Variants in RBFOX1 observed in about 807,000 individuals in gnomAD.
RBFOX1 encodes RNA binding fox-1 homolog 1.
Under a neutral mutation model 57.7 loss-of-function variants are expected in RBFOX1, and 8 were observed. The observed-to-expected ratio is 0.14, with a 90% CI of 0.08 to 0.25. The LOEUF (loss-of-function observed/expected upper bound fraction) is 0.25, where lower values mean the gene tolerates loss of function less well. Ranked by LOEUF, RBFOX1 falls within the 10% of genes least tolerant of loss-of-function variation. The pLI is 1.00. For synonymous variants in RBFOX1, 326 were observed against 222.4 expected, an observed-to-expected ratio of 1.47 and a Z score of -4.15; for missense variants, 611 against 548.5, an observed-to-expected ratio of 1.11 and a Z score of -1.14.
intron 5 of RBFOX1, among the ~76,000 whole-genome samples, chr16:7,553,693 C>G (rs867742748): frequency 6.6e-6 from 1 of 152,142 alleles, no homozygotes; most frequent in Non-Finnish European, 1.5e-5. Flanking sequence ...GTGTCCTAAC[C>G]CCCAGCTACA....
intron 2 of RBFOX1, among the ~76,000 whole-genome samples, chr16:6,419,261 C>T (rs1302667414): frequency 6.6e-6 from 1 of 152,122 alleles, no homozygotes; most frequent in African/African-American, 2.4e-5. Context: ...CAGGTATATG[C>T]TGTGGTATCG....
At chr16:7,097,350 C>T (rs1462927453) in intron 4 of RBFOX1, among the ~76,000 whole-genome samples, 1 of 151,972 alleles carries the variant, frequency 6.6e-6, no homozygotes, top group Non-Finnish European at 1.5e-5. Flanking sequence ...CTGAGACAGG[C>T]AGGAATCAGA....
intron 2 of RBFOX1, among the ~76,000 whole-genome samples, chr16:6,559,582 A>G (rs1417096544): frequency 6.6e-6 from 1 of 152,116 alleles, no homozygotes; most frequent in African/African-American, 2.4e-5. Flanking sequence ...GACATTGGAA[A>G]ATAGGACGTG....
intron 4 of RBFOX1, among the ~76,000 whole-genome samples, chr16:7,250,348 A>G (rs766239211): frequency 6.6e-6 from 1 of 152,192 alleles, no homozygotes; most frequent in African/African-American, 2.4e-5. Context: ...ACTGGTGACC[A>G]TGGATGCTGA....
At chr16:7,032,581 CTGTTTGTTTGTTTGTT>C (rs35455847) in intron 3 of RBFOX1, among the ~76,000 whole-genome samples, 10 of 151,338 alleles carry the variant, frequency 6.6e-5, no homozygotes, top group East Asian at 2.0e-4. Flanking sequence ...ACAGCTATTT[CTGTTTGTTTGTTTGTT>C]TGTTTGTTTG....
At chr16:7,105,982 A>T (rs114315524) in intron 4 of RBFOX1, among the ~76,000 whole-genome samples, 18 of 152,164 alleles carry the variant, frequency 1.2e-4, no homozygotes, top group Admixed American at 3.3e-4. Flanking sequence ...TGACAACTCT[A>T]TGAAACTACT....
intron 3 of RBFOX1, among the ~76,000 whole-genome samples, chr16:6,759,700 C>G (rs893549635): frequency 2.0e-5 from 3 of 152,004 alleles, no homozygotes; most frequent in Non-Finnish European, 2.9e-5. Flanking sequence ...TTAATAATAG[C>G]CTTTAATAGA....
intron 2 of RBFOX1, among the ~76,000 whole-genome samples, chr16:6,346,442 G>A (rs1158122212): frequency 1.3e-5 from 2 of 152,134 alleles, no homozygotes; most frequent in Non-Finnish European, 2.9e-5. Context: ...GCCAATCACG[G>A]CAGCTCAGCT....
At chr16:7,219,832 A>G (rs2092585252) in intron 4 of RBFOX1, among the ~76,000 whole-genome samples, 1 of 152,162 alleles carries the variant, frequency 6.6e-6, no homozygotes, top group African/African-American at 2.4e-5. Flanking sequence ...CCACCAAAGG[A>G]TTTCCCATTG....
intron 2 of RBFOX1, among the ~76,000 whole-genome samples, chr16:6,454,743 T>C (rs184136033): frequency 2.0e-5 from 3 of 152,122 alleles, no homozygotes; most frequent in Non-Finnish European, 2.9e-5. Context: ...CAAAAATGAA[T>C]TGGACTTGAG....
In RBFOX1 at chr16:6,581,586, C is replaced by T. The variant is rs571851665; in HGVS notation, c.-63-73017C>T. Among the ~76,000 whole-genome samples the T allele has an allele frequency of 6.5e-4, 99 of 152,262 alleles. 1 individual carries two copies. Among genetic ancestry groups the T allele is most frequent in the South Asian group, 4.2e-4 (2 of 4,818 alleles). ...CCCTTCCTGGGCAGAAGGCGGATAT[C>T]GATCTCATGTCAGTCATGTTGCCTG... On this transcript the variant is annotated intron_variant, in intron 2 of 15. Transcript: ENST00000550418.
chr16:6,672,605 C>T (rs934231929), intron 3 of RBFOX1, among the ~76,000 whole-genome samples: 3 of 152,070 alleles, frequency 2.0e-5, no homozygotes, highest in African/African-American at 7.2e-5. Context: ...CTTAAACAAG[C>T]ATATAAGACT....
At chr16:6,233,063 G>A (rs62015087) in intron 1 of RBFOX1, among the ~76,000 whole-genome samples, 58,757 of 151,980 alleles carry the variant, frequency 0.39, 12,092 homozygotes, top group Middle Eastern at 0.54. Flanking sequence ...AGATCTAACA[G>A]GGAAATTCTT....
intron 4 of RBFOX1, among the ~76,000 whole-genome samples, chr16:7,253,306 G>C (rs565329255): frequency 2.0e-5 from 3 of 152,144 alleles, no homozygotes; most frequent in Non-Finnish European, 2.9e-5. Context: ...TCAGAAATTC[G>C]TGTTGATGTC....
At chr16:6,009,802 A>ATGTGTGTGTGTC (rs1555469408) in intron 4 of RBFOX1, among the ~76,000 whole-genome samples, 1 of 58,562 alleles carries the variant, frequency 1.7e-5, no homozygotes, top group South Asian at 6.7e-4. Flanking sequence ...CAGTGTGTGT[A>ATGTGTGTGTGTC]TGTGTGTGTG....
chr16:6,128,786 A>G (rs901114023), intron 1 of RBFOX1, among the ~76,000 whole-genome samples: 1 of 152,204 alleles, frequency 6.6e-6, no homozygotes, highest in Non-Finnish European at 1.5e-5. Context: ...TGGTAAAACA[A>G]GAATCTGTGC....
chr16:6,346,989 C>T (rs936011321), intron 2 of RBFOX1, among the ~76,000 whole-genome samples: 28 of 152,178 alleles, frequency 1.8e-4, no homozygotes, highest in African/African-American at 6.7e-4. Flanking sequence ...TTTCCATGTA[C>T]AGCCTTGTTT....
intron 4 of RBFOX1, among the ~76,000 whole-genome samples, chr16:7,300,563 C>T (rs2096007511): frequency 6.6e-6 from 1 of 152,132 alleles, no homozygotes; most frequent in African/African-American, 2.4e-5. Context: ...GTCCTTCTTT[C>T]TGTCTAACTG....
intron 1 of RBFOX1, among the ~76,000 whole-genome samples, chr16:5,454,854 T>TTTCTTTCC (rs1555524090): frequency 1.5e-5 from 1 of 67,474 alleles, no homozygotes; most frequent in African/African-American, 5.9e-5. Context: ...TCTTTCTTTC[T>TTTCTTTCC]TTTCTTTCTT....
Sources: gnomAD v4.1 joint callset for allele counts (sites outside exome capture counted in the v4.1 genomes callset) on GRCh38, gnomAD v4.1.1 for gene constraint, MANE v1.5 for transcripts, NCBI Gene and HGNC (gene_info 2026-07-23, HGNC 2026-07-21) for gene names.